DAAM1: variants seen among roughly 807,000 people sequenced by gnomAD.
The protein encoded by DAAM1 is disheveled-associated activator of morphogenesis 1.
A neutral mutation model predicts 130.0 loss-of-function variants in DAAM1; 52 were observed. That is an observed-to-expected ratio of 0.40 (90% CI 0.32 to 0.50). The LOEUF (loss-of-function observed/expected upper bound fraction) is 0.50, where lower values mean the gene tolerates loss of function less well. Among genes scored for constraint, DAAM1 ranks in the 20% least tolerant of loss-of-function variants. DAAM1 has a pLI of 0.61. For missense variants in DAAM1, 1,134 were observed against 1,303.8 expected, an observed-to-expected ratio of 0.87 and a Z score of 2.01; for synonymous variants, 452 against 444.5, an observed-to-expected ratio of 1.02 and a Z score of -0.21.
chr14:59,195,633 A>G (rs1887865431), intron 1 of DAAM1, among the ~76,000 whole-genome samples: 1 of 152,158 alleles, frequency 6.6e-6, no homozygotes, highest in Admixed American at 6.5e-5. Context: ...TGTGATTGGA[A>G]AATGTTGCCT....
At chr14:59,257,498 G>GCACCATTCA (rs766982560) in intron 1 of DAAM1, among the ~76,000 whole-genome samples, 24,284 of 152,106 alleles carry the variant, frequency 0.16, 2,790 homozygotes, top group East Asian at 0.57. Context: ...CTTGAATGGT[G>GCACCATTCA]AGTGGAAGAG....
At chr14:59,367,248 A>G (rs1340738848) in intron 23 of DAAM1, among the ~76,000 whole-genome samples, 181 bp from the exon 24 acceptor site, 1 of 151,892 alleles carries the variant, frequency 6.6e-6, no homozygotes, top group East Asian at 1.9e-4. Flanking sequence ...GGATCATGCC[A>G]CTGCACTCCA....
At chr14:59,256,579 C>T (rs1042891123) in intron 1 of DAAM1, among the ~76,000 whole-genome samples, 2 of 152,296 alleles carry the variant, frequency 1.3e-5, no homozygotes, top group Admixed American at 6.5e-5. Context: ...TGACTTCTTC[C>T]TCTGCAACAA....
intron 2 of DAAM1, among the ~76,000 whole-genome samples, chr14:59,283,381 A>G (rs1385151758): frequency 2.0e-5 from 3 of 152,228 alleles, no homozygotes; most frequent in Admixed American, 2.0e-4. Context: ...CTGTATGCCA[A>G]AATTCTAACA....
chr14:59,280,959 C>G (rs370589904), intron 2 of DAAM1, among the ~76,000 whole-genome samples: 1 of 152,180 alleles, frequency 6.6e-6, no homozygotes, highest in African/African-American at 2.4e-5. Context: ...CCCTTTCCCT[C>G]TGTTCCCTGT....
chr14:59,293,349 C>T (rs941246155), intron 3 of DAAM1, among the ~76,000 whole-genome samples: 10 of 152,210 alleles, frequency 6.6e-5, no homozygotes, highest in African/African-American at 2.4e-4. Flanking sequence ...GTAATGACCT[C>T]GGGCTTGCAG....
intron 1 of DAAM1, among the ~76,000 whole-genome samples, chr14:59,215,513 C>T (rs1048654749): frequency 3.9e-5 from 6 of 152,226 alleles, no homozygotes; most frequent in African/African-American, 1.4e-4. Context: ...TTGCCACCGA[C>T]CATGCTTTCT....
rs1884754690 is a variant in DAAM1, at chr14:59,315,465, C to T, written c.345+114C>T. The T allele has an allele frequency of 3.1e-6, 3 of 955,352 alleles. No individual in the cohort carries two copies. The African/African-American group carries it at 4.9e-5, about 16-fold the overall frequency. 59.2% of individuals were successfully genotyped at this position (955,352 alleles called of 1,614,324 possible). A position where few individuals can be genotyped will look rare whatever the true frequency, so the allele number is the denominator to read the frequency against. Reference sequence around the variant, plus strand: ...TGACCTACCAAATGTCAGTACCTTTCCAAACTCCATCCTAAACATTCAATG... The same window carrying T: ...TGACCTACCAAATGTCAGTACCTTTTCAAACTCCATCCTAAACATTCAATG... On this transcript the variant is annotated intron_variant, in intron 4 of 24. Coordinates refer to ENST00000360909, the MANE Select transcript of DAAM1 (RefSeq NM_001270520.2).
At chr14:59,304,976 G>T (rs144428664) in intron 3 of DAAM1, among the ~76,000 whole-genome samples, 8 of 152,252 alleles carry the variant, frequency 5.3e-5, no homozygotes, top group African/African-American at 1.9e-4. Flanking sequence ...CACTTTGATT[G>T]TTTTCCCAAG....
In DAAM1 at chr14:59,347,568, G is replaced by A. The variant is rs757491422; in HGVS notation, c.2105G>A (p.Arg702Gln). 32 of 1,613,522 alleles carry A rather than the reference G, an allele frequency of 2.0e-5. No individual in the cohort carries two copies. Among genetic ancestry groups the A allele is most frequent in the Middle Eastern group, 1.6e-4 (1 of 6,082 alleles). ...AAATTATCCAATGACGAAATCAAAC[G>A]GGCAATTCTAACAATGGACGAACAG... ...RLKLSNDEIK[R>Q]AILTMDEQED... The change falls in exon 17 of 25, where the codon CGG becomes CAG. Residue 702 changes from arginine to glutamine, a missense_variant. Physicochemically the swap from Arg to Gln is conservative, Grantham distance 43. Around this residue, in one of 3 missense-constraint regions of DAAM1, gnomAD observed 644 missense variants for 695.9 expected, o/e 0.93. Coordinates refer to ENST00000360909, the MANE Select transcript of DAAM1 (RefSeq NM_001270520.2).
At chr14:59,253,770 C>T (rs1325202683) in intron 1 of DAAM1, among the ~76,000 whole-genome samples, 1 of 152,168 alleles carries the variant, frequency 6.6e-6, no homozygotes, top group Non-Finnish European at 1.5e-5. Flanking sequence ...GTACTCACTT[C>T]CCCAGGGGAC....
chr14:59,265,384 T>G (rs1882387433), intron 2 of DAAM1: 1 of 152,214 alleles, frequency 6.6e-6, no homozygotes, highest in South Asian at 2.1e-4. Context: ...CTCCACTGCA[T>G]GAAGAACTCT....
At chr14:59,251,268 CTAGAA>C (rs950794701) in intron 1 of DAAM1, among the ~76,000 whole-genome samples, 4 of 152,146 alleles carry the variant, frequency 2.6e-5, no homozygotes. Flanking sequence ...GATATGCAAT[CTAGAA>C]AGTGTAAGAT....
Position 59,326,078 on chromosome 14 carries a change from G to A in DAAM1, c.1174+1G>A. On this transcript the variant is annotated splice_donor_variant, in intron 10 of 24. Transcript: ENST00000360909. LOFTEE classifies it high-confidence loss of function. Reference sequence around the variant, plus strand: ...CTGCACCACTGCCTCCAAATGCCTTGTAAGTGTGTTCGTGACTCACATGTG... The same window carrying A: ...CTGCACCACTGCCTCCAAATGCCTTATAAGTGTGTTCGTGACTCACATGTG... 1 of 1,613,568 alleles carries A rather than the reference G, an allele frequency of 6.2e-7. No individual in the cohort carries two copies. Among genetic ancestry groups the A allele is most frequent in the Non-Finnish European group, 8.5e-7 (1 of 1,179,482 alleles).
chr14:59,242,885 A>G (rs934582957), intron 1 of DAAM1, among the ~76,000 whole-genome samples: 3 of 152,170 alleles, frequency 2.0e-5, no homozygotes, highest in Admixed American at 2.0e-4. Context: ...CATTTTACAG[A>G]TGAGAAAATT....
At chr14:59,327,276 CTAA>C (rs1885239424) in intron 12 of DAAM1, among the ~76,000 whole-genome samples, 1 of 151,892 alleles carries the variant, frequency 6.6e-6, no homozygotes, top group Non-Finnish European at 1.5e-5. Flanking sequence ...TTCTTAACTA[CTAA>C]TAATTCAAAC....
At chr14:59,242,645 G>T (rs1881181489) in intron 1 of DAAM1, among the ~76,000 whole-genome samples, 1 of 152,104 alleles carries the variant, frequency 6.6e-6, no homozygotes, top group Admixed American at 6.5e-5. Context: ...TGCAAGCTCT[G>T]CCTCCCGGGT....
At chr14:59,334,266 A>G (rs1885543939) in intron 15 of DAAM1, among the ~76,000 whole-genome samples, 1 of 152,224 alleles carries the variant, frequency 6.6e-6, no homozygotes, top group Non-Finnish European at 1.5e-5. Flanking sequence ...AGGACACAGT[A>G]AAGAAAATGG....
At chr14:59,241,730 C>T (rs1311872526) in intron 1 of DAAM1, among the ~76,000 whole-genome samples, 2 of 152,170 alleles carry the variant, frequency 1.3e-5, no homozygotes, top group Non-Finnish European at 1.5e-5. Flanking sequence ...TTGGTTTACT[C>T]AGCACTGGAT....
Sources: allele counts gnomAD v4.1 joint callset (sites outside exome capture counted in the v4.1 genomes callset), GRCh38; gene constraint gnomAD v4.1.1; regional missense constraint gnomAD v4.1.1; transcripts MANE v1.5; gene names NCBI Gene and HGNC (gene_info 2026-07-23, HGNC 2026-07-21).